ANKIB1: variants seen among roughly 807,000 people sequenced by gnomAD.
The protein encoded by ANKIB1 is ankyrin repeat and IBR domain-containing protein 1.
Under a neutral mutation model 122.1 loss-of-function variants are expected in ANKIB1, and 43 were observed. The observed-to-expected ratio is 0.35, with a 90% CI of 0.28 to 0.45. ANKIB1 has a LOEUF of 0.45. Among genes scored for constraint, ANKIB1 ranks in the 20% least tolerant of loss-of-function variants. ANKIB1 has a pLI of 1.00. For missense variants in ANKIB1, 992 were observed against 1,329.5 expected (o/e 0.75, Z 3.95); for synonymous variants, 390 against 442.0 (o/e 0.88, Z 1.48).
At chr7:92,390,787 A>G (rs769413445) in intron 15 of ANKIB1, among the ~76,000 whole-genome samples, 12 of 152,212 alleles carry the variant, frequency 7.9e-5, no homozygotes, top group Non-Finnish European at 1.5e-4. Flanking sequence ...TATAGTCTGC[A>G]CTATGGCATC....
chr7:92,365,426 G>T (rs995446414), intron 10 of ANKIB1, among the ~76,000 whole-genome samples: 2 of 152,184 alleles, frequency 1.3e-5, no homozygotes, highest in African/African-American at 4.8e-5. Flanking sequence ...AAGTAGCGTG[G>T]CATATTCAAA....
chr7:92,279,637 G>C (rs1357424845), intron 1 of ANKIB1, among the ~76,000 whole-genome samples: 2 of 152,178 alleles, frequency 1.3e-5, no homozygotes. Flanking sequence ...CTCATGCTGA[G>C]AGGCTGAAAC....
intron 1 of ANKIB1, among the ~76,000 whole-genome samples, chr7:92,261,780 A>G (rs1295960584): frequency 6.6e-6 from 1 of 152,146 alleles, no homozygotes; most frequent in Non-Finnish European, 1.5e-5. Context: ...CTCAAACTTG[A>G]ATTTTATGTG....
chr7:92,371,402 G>A, intron 10 of ANKIB1, 75 bp from the exon 11 acceptor site: 2 of 1,313,144 alleles, frequency 1.5e-6, no homozygotes, highest in Non-Finnish European at 2.1e-6. Context: ...AAAGAAAAGT[G>A]TGGAGGGTTT....
At chr7:92,255,840 A>G (rs913072526) in intron 1 of ANKIB1, among the ~76,000 whole-genome samples, 1 of 152,164 alleles carries the variant, frequency 6.6e-6, no homozygotes, top group South Asian at 2.1e-4. Flanking sequence ...ACTGTTGGGA[A>G]CATGGGACTT....
At chr7:92,285,333 A>G (rs1249966820) in intron 1 of ANKIB1, among the ~76,000 whole-genome samples, 2 of 152,154 alleles carry the variant, frequency 1.3e-5, no homozygotes, top group East Asian at 3.8e-4. Flanking sequence ...GAAGATTTAA[A>G]CGTAGTTCTT....
intron 9 of ANKIB1, among the ~76,000 whole-genome samples, chr7:92,359,852 G>T (rs1803903744): frequency 6.6e-6 from 1 of 152,100 alleles, no homozygotes; most frequent in Non-Finnish European, 1.5e-5. Context: ...CGAACTCCTG[G>T]GCTCCATTGA....
At chr7:92,317,391 C>A (rs971021274) in intron 3 of ANKIB1, among the ~76,000 whole-genome samples, 2 of 152,126 alleles carry the variant, frequency 1.3e-5, no homozygotes, top group African/African-American at 4.8e-5. Flanking sequence ...CCAGACCACA[C>A]TTGCAGTAAA....
At chr7:92,361,222 T>A (rs548967024) in intron 9 of ANKIB1, among the ~76,000 whole-genome samples, 1 of 152,362 alleles carries the variant, frequency 6.6e-6, no homozygotes, top group Non-Finnish European at 1.5e-5. Flanking sequence ...TTTTAGTGTT[T>A]GACTTCTTAA....
intron 1 of ANKIB1, among the ~76,000 whole-genome samples, chr7:92,278,679 T>C (rs1801953435): frequency 6.6e-6 from 1 of 152,214 alleles, no homozygotes; most frequent in African/African-American, 2.4e-5. Flanking sequence ...ACACATTATA[T>C]TCAGGAATTG....
At position 92,397,721 on chromosome 7, in the gene ANKIB1, A is replaced by C. The variant is rs756897443; in HGVS notation, c.2396-2A>C. 2 of 1,610,458 alleles carry C rather than the reference A, an allele frequency of 1.2e-6. No individual in the cohort carries two copies. Among genetic ancestry groups the C allele is most frequent in the African/African-American group, 1.3e-5 (1 of 74,648 alleles). ...TCTTTGGTACCAATTGCTTTGAAAC[A>C]GATATTCCAGAAGGCGGCAGCAGCA... On this transcript the variant is annotated splice_acceptor_variant, in intron 18 of 19. Transcript: ENST00000265742. LOFTEE classifies it high-confidence loss of function.
In ANKIB1 at chr7:92,386,663, C is replaced by G; in HGVS notation, c.1752+20C>G. On this transcript the variant is annotated intron_variant, in intron 12 of 19. Coordinates refer to ENST00000265742, the MANE Select transcript of ANKIB1 (RefSeq NM_019004.2). The stretch of plus-strand genomic sequence containing the variant: ...GTGGAGGTAAAGAGAACCAATTAAG[C>G]CAAGACATCTCTCTAAACCGCTCAC... 6.3e-7 allele frequency: 1 copy of G among 1,576,464 alleles called. No homozygotes were observed. Among genetic ancestry groups the G allele is most frequent in the Non-Finnish European group, 8.6e-7 (1 of 1,164,472 alleles).
At chr7:92,371,951 GT>G (rs1232919853) in intron 11 of ANKIB1, among the ~76,000 whole-genome samples, 672 of 2,546 alleles carry the variant, frequency 0.26, 4 homozygotes, top group Middle Eastern at 0.38. Flanking sequence ...TGAGAGAGGG[GT>G]GTGTGTGTGT....
chr7:92,271,990 T>G lies in ANKIB1; in HGVS notation c.-90-22899T>G, dbSNP rs117709660. On this transcript the variant is annotated intron_variant, in intron 1 of 19. Coordinates refer to ENST00000265742, the MANE Select transcript of ANKIB1 (RefSeq NM_019004.2). ...AAAGAACCACATGATTTCATGGAGA[T>G]AGAAAATGGAATGGTAGTTACTAGG... is the stretch of plus-strand genomic sequence containing the variant. Among the ~76,000 whole-genome samples the G allele has an allele frequency of 5.8e-3, 886 of 152,198 alleles. 6 individuals carry two copies. Among genetic ancestry groups the G allele is most frequent in the Non-Finnish European group, 9.8e-3 (666 of 68,004 alleles).
At chr7:92,312,551 C>T (rs1366238724) in intron 3 of ANKIB1, among the ~76,000 whole-genome samples, 2 of 152,094 alleles carry the variant, frequency 1.3e-5, no homozygotes, top group Admixed American at 6.6e-5. Context: ...TATTTATGGA[C>T]ATCACCATTT....
At chr7:92,311,620 AAC>A (rs1270026371) in intron 3 of ANKIB1, among the ~76,000 whole-genome samples, 3 of 152,110 alleles carry the variant, frequency 2.0e-5, no homozygotes, top group Non-Finnish European at 4.4e-5. Flanking sequence ...TAATAATTTA[AAC>A]AGTTTCTTAT....
At chr7:92,323,219 T>C (rs544042904) in intron 4 of ANKIB1, among the ~76,000 whole-genome samples, 1 of 152,336 alleles carries the variant, frequency 6.6e-6, no homozygotes, top group East Asian at 1.9e-4. Context: ...TTATATTGAT[T>C]TACTTTTATT....
intron 3 of ANKIB1, among the ~76,000 whole-genome samples, chr7:92,311,161 C>T (rs542595218): frequency 1.6e-4 from 24 of 152,026 alleles, no homozygotes; most frequent in Non-Finnish European, 2.6e-4. Context: ...TTATAGTGCT[C>T]ATTGGTACCA....
At chr7:92,280,195 C>G (rs544682793) in intron 1 of ANKIB1, among the ~76,000 whole-genome samples, 1 of 152,364 alleles carries the variant, frequency 6.6e-6, no homozygotes, top group East Asian at 1.9e-4. Context: ...TATGAAATTA[C>G]AAGCATATAA....
Sources: gnomAD v4.1 joint callset for allele counts (sites outside exome capture counted in the v4.1 genomes callset) on GRCh38, gnomAD v4.1.1 for gene constraint, MANE v1.5 for transcripts, NCBI Gene and HGNC (gene_info 2026-07-23, HGNC 2026-07-21) for gene names.